NFKBIZ: variants seen among roughly 807,000 people sequenced by gnomAD.
The protein encoded by NFKBIZ is NFKB inhibitor zeta.
A neutral mutation model predicts 76.8 loss-of-function variants in NFKBIZ; 19 were observed. That is an observed-to-expected ratio of 0.25 (90% CI 0.17 to 0.36). The LOEUF (loss-of-function observed/expected upper bound fraction) is 0.36. Ranked by LOEUF, NFKBIZ falls within the 10% of genes least tolerant of loss-of-function variation. NFKBIZ has a pLI of 1.00. For missense variants in NFKBIZ, 829 were observed against 910.9 expected, an observed-to-expected ratio of 0.91 and a Z score of 1.16; for synonymous variants, 368 against 354.8, an observed-to-expected ratio of 1.04 and a Z score of -0.42.
At position 101,852,068 on chromosome 3, in the gene NFKBIZ, T is replaced by C; in HGVS notation, c.290-17T>C. ...AAGATATTTAACCAGGAATATGTTT[T>C]GTTTTCTTTTGAACAGTTGAGCCCC... is the stretch of plus-strand genomic sequence containing the variant. On this transcript the variant is annotated splice_polypyrimidine_tract_variant and intron_variant, in intron 1 of 11. Transcript: ENST00000326172. 1 of 1,604,884 alleles carries C rather than the reference T, an allele frequency of 6.2e-7. No individual in the cohort carries two copies. Among genetic ancestry groups the C allele is most frequent in the Non-Finnish European group, 8.5e-7 (1 of 1,177,526 alleles).
chr3:101,859,344 C>T lies in NFKBIZ; in HGVS notation c.2130C>T (p.Ser710=), dbSNP rs747081437. The part of the protein sequence containing the change: ...EQIRRILKGK[S]IQQRAPPY ...TCCGACGTATCCTGAAGGGAAAGTC[C>T]ATTCAGCAGAGAGCTCCACCGTATT... is the stretch of plus-strand genomic sequence containing the variant. Residue 710 remains serine, a synonymous_variant, in exon 12 of 12, where the codon TCC becomes TCT. Transcript: ENST00000326172. The T allele has an allele frequency of 1.2e-6, 2 of 1,613,704 alleles. No homozygotes were observed. The highest frequency in any genetic ancestry group is 2.2e-5 in the East Asian group (1 of 44,832).
At chr3:101,852,698 C>T (rs1235350711) in intron 2 of NFKBIZ, 40 bp from the exon 3 acceptor site, 2 of 1,449,134 alleles carry the variant, frequency 1.4e-6, no homozygotes, top group Non-Finnish European at 9.6e-7. Flanking sequence ...AAGAGGAAGT[C>T]ATTTTGTATA....
intron 5 of NFKBIZ, 93 bp downstream of exon 5, chr3:101,853,956 C>A: frequency 1.6e-6 from 2 of 1,244,044 alleles, no homozygotes; most frequent in Non-Finnish European, 2.2e-6. Context: ...ACAAGGTATA[C>A]CTTAGTTAGT....
At chr3:101,849,031 A>T (rs1942895208), upstream of NFKBIZ, 1 of 152,356 alleles carries the variant, frequency 6.6e-6, no homozygotes, top group Non-Finnish European at 1.5e-5. Context: ...CGGGGCAGGC[A>T]GAGGGGTGCG....
chr3:101,853,667 G>A lies in NFKBIZ; in HGVS notation c.1141G>A (p.Ala381Thr), dbSNP rs558651793. The change falls in exon 5 of 12, where the codon GCC becomes ACC. Residue 381 changes from alanine to threonine, a missense_variant. Ala to Thr is a moderately conservative substitution (Grantham distance 58). Transcript: ENST00000326172. ...LHSFSMMPSS[A>T]CEAMVGHEMA... is the part of the protein sequence containing the mutation. ...CAGCTTCAGCATGATGCCCAGCAGC[G>A]CCTGTGAGGCCATGGTGGGGCACGA... The A allele has an allele frequency of 1.5e-5, 24 of 1,614,104 alleles. No individual in the cohort carries two copies. The highest frequency in any genetic ancestry group is 1.8e-5 in the Non-Finnish European group (21 of 1,180,052).
intron 2 of NFKBIZ, among the ~76,000 whole-genome samples, chr3:101,830,579 G>C (rs1298013542): frequency 6.6e-6 from 1 of 152,170 alleles, no homozygotes; most frequent in African/African-American, 2.4e-5. Flanking sequence ...TGTGGTATTT[G>C]GTTTTCTGTT....
At chr3:101,831,661 A>G (rs922850526) in intron 2 of NFKBIZ, among the ~76,000 whole-genome samples, 2 of 143,770 alleles carry the variant, frequency 1.4e-5, no homozygotes, top group African/African-American at 5.2e-5. Flanking sequence ...TTTTTTTGAT[A>G]CAGAATCTCC....
chr3:101,841,257 C>A lies in NFKBIZ; in HGVS notation c.-11-10828C>A, dbSNP rs143945141. On this transcript the variant is annotated intron_variant, in intron 2 of 12. Transcript: ENST00000394054. The stretch of plus-strand genomic sequence containing the variant: ...AACATACAAAAGAATAGGTTACACT[C>A]TTGTAAGGAAAAAGCTTACAGAACT... Among the ~76,000 whole-genome samples, 568 of 152,316 alleles carry A rather than the reference C, an allele frequency of 3.7e-3. 4 individuals are homozygous for A. The highest frequency in any genetic ancestry group is 0.012 in the African/African-American group (501 of 41,570).
upstream of NFKBIZ, among the ~76,000 whole-genome samples, chr3:101,845,854 T>A (rs910639062): frequency 2.0e-5 from 3 of 152,266 alleles, no homozygotes; most frequent in Non-Finnish European, 4.4e-5. Context: ...TATCATTTCA[T>A]CTTTTTCAGT....
rs1439224602 is a variant in NFKBIZ at position 101,853,544 on chromosome 3, T to A, written c.1018T>A (p.Leu340Ile). The A allele has an allele frequency of 1.2e-6, 2 of 1,614,256 alleles. No individual in the cohort carries two copies. Among genetic ancestry groups the A allele is most frequent in the East Asian group, 2.2e-5 (1 of 44,888 alleles). The change falls in exon 5 of 12, where the codon TTA (leucine) becomes ATA (isoleucine). Residue 340 changes from leucine to isoleucine, a missense_variant. By Grantham distance (5) the Leu-to-Ile change is conservative. This residue lies in a region of NFKBIZ where 371 missense variants were observed against 332.3 expected (regional missense o/e 1.12). Transcript: ENST00000326172. ...ATCACAGTTTTGCCCAAACCAAAGCTTAGTTTCCCTTCTTGGTGATCAAAG... is the reference window on the plus strand; with the variant it reads ...ATCACAGTTTTGCCCAAACCAAAGCATAGTTTCCCTTCTTGGTGATCAAAG... ...PESQFCPNQS[L>I]VSLLGDQRES...
At chr3:101,854,767 T>TA (rs1943024555) in intron 6 of NFKBIZ, 84 bp downstream of exon 6, 1 of 973,590 alleles carries the variant, frequency 1.0e-6, no homozygotes, top group Admixed American at 2.2e-5. Flanking sequence ...TAGATCATCT[T>TA]AGAGCTCAAG....
rs1156394109 is a variant in NFKBIZ at position 101,852,720 on chromosome 3, A to C, written c.430-18A>C. The C allele has an allele frequency of 1.3e-6, 2 of 1,593,326 alleles. No individual in the cohort carries two copies. The highest frequency in any genetic ancestry group is 4.5e-5 in the East Asian group (2 of 44,748). On this transcript the variant is annotated intron_variant, in intron 2 of 11. Transcript: ENST00000326172. ...AGTCATTTTGTATACACTAAATTGG[A>C]AACTTTTTTCTTTATAGACACAAGG...
Position 101,859,747 on chromosome 3 carries a change from AG to A in NFKBIZ, c.*377del, listed in dbSNP as rs1943107402. 1 of 172,688 alleles carries A rather than the reference AG, an allele frequency of 5.8e-6. No individual in the cohort carries two copies. Among genetic ancestry groups the A allele is most frequent in the Non-Finnish European group, 1.3e-5 (1 of 78,888 alleles). 10.7% of individuals were successfully genotyped at this position (172,688 alleles called of 1,614,324 possible). A position where few individuals can be genotyped will look rare whatever the true frequency, so the allele number is the denominator to read the frequency against. On this transcript the variant is annotated 3_prime_UTR_variant, in exon 12 of 12. Coordinates refer to ENST00000326172, the MANE Select transcript of NFKBIZ (RefSeq NM_031419.4). The stretch of plus-strand genomic sequence containing the variant: ...AATTGTAAATGTTTCTTTAAGAAAA[AG>A]CATGTGAAAGGAAAAAGGTAAATAC...
rs1249432466 is a variant in NFKBIZ, at chr3:101,852,884, A to T, written c.461-2A>T. ...ACAGAGGCTGTATTCCTTTGGGTAC[A>T]GAATTGAAGAACACAGTATCATACA... On this transcript the variant is annotated splice_acceptor_variant, in intron 3 of 11. Transcript: ENST00000326172. LOFTEE classifies it high-confidence loss of function. 1 of 1,613,292 alleles carries T rather than the reference A, an allele frequency of 6.2e-7. No individual in the cohort carries two copies. Among genetic ancestry groups the T allele is most frequent in the Admixed American group, 1.7e-5 (1 of 59,944 alleles).
At chr3:101,840,926 T>G (rs1278150371) in intron 2 of NFKBIZ, among the ~76,000 whole-genome samples, 6 of 152,212 alleles carry the variant, frequency 3.9e-5, no homozygotes, top group Non-Finnish European at 8.8e-5. Flanking sequence ...AAAAGGAAGT[T>G]GCAGAGAGAT....
chr3:101,858,701 A>G (rs1023716802), intron 11 of NFKBIZ, among the ~76,000 whole-genome samples: 9 of 152,184 alleles, frequency 5.9e-5, no homozygotes, highest in African/African-American at 1.9e-4. Context: ...TTTCATCTAA[A>G]TTGTTGCTTC....
upstream of NFKBIZ, among the ~76,000 whole-genome samples, chr3:101,846,332 A>G (rs911805703): frequency 3.6e-4 from 55 of 152,248 alleles, no homozygotes; most frequent in African/African-American, 1.3e-3. Flanking sequence ...TCGACTTAAT[A>G]GATCAAACTG....
intron 1 of NFKBIZ, 55 bp from the exon 2 acceptor site, chr3:101,852,030 G>A (rs1250679960): frequency 7.6e-6 from 12 of 1,588,996 alleles, no homozygotes; most frequent in Middle Eastern, 1.7e-4. Context: ...GATTATTAAC[G>A]TTTATGTCTG....
intron 11 of NFKBIZ, chr3:101,857,960 T>G (rs890632541): frequency 8.4e-6 from 7 of 830,752 alleles, no homozygotes; most frequent in African/African-American, 7.5e-5. Context: ...AAATTACTTA[T>G]GTAATTTCAA....
Sources: allele counts gnomAD v4.1 joint callset (sites outside exome capture counted in the v4.1 genomes callset), GRCh38; gene constraint gnomAD v4.1.1; regional missense constraint gnomAD v4.1.1; transcripts MANE v1.5; gene names NCBI Gene and HGNC (gene_info 2026-07-23, HGNC 2026-07-21).